The following ATXN1 variants were observed in gnomAD, a reference collection of about 807,000 sequenced individuals.
ATXN1 encodes the protein ataxin 1.
Under a neutral mutation model 56.4 loss-of-function variants are expected in ATXN1, and 8 were observed. The observed-to-expected ratio is 0.14, with a 90% CI of 0.08 to 0.26. The LOEUF (loss-of-function observed/expected upper bound fraction) is 0.26, where lower values mean the gene tolerates loss of function less well. Among genes scored for constraint, ATXN1 ranks in the 10% least tolerant of loss-of-function variants. ATXN1 has a pLI of 1.00. For synonymous variants in ATXN1, 514 were observed against 494.6 expected, an observed-to-expected ratio of 1.04 and a Z score of -0.52; for missense variants, 987 against 1,106.5, an observed-to-expected ratio of 0.89 and a Z score of 1.53.
chr6:16,680,337 C>T (rs1758788367), intron 2 of ATXN1, among the ~76,000 whole-genome samples: 1 of 152,154 alleles, frequency 6.6e-6, no homozygotes, highest in Admixed American at 6.5e-5. Context: ...CCCCTACCCC[C>T]CAAACATGTC....
rs536498194 is a variant in ATXN1 at position 16,621,565 on chromosome 6, A to G, written c.-488-35658T>C. ...GGAGAATGCCGTCTCTACTAAAAAT[A>G]CAAAAATTAGCTGGGTGTGGTGGTG... On this transcript the variant is annotated intron_variant, in intron 3 of 7. Transcript: ENST00000436367. Among the ~76,000 whole-genome samples, 20 of 152,288 alleles carry G rather than the reference A, an allele frequency of 1.3e-4. No homozygotes were observed. The East Asian group carries it at 3.9e-3, about 29-fold the overall frequency.
At chr6:16,509,718 G>A (rs1161084140) in intron 5 of ATXN1, among the ~76,000 whole-genome samples, 1 of 152,062 alleles carries the variant, frequency 6.6e-6, no homozygotes, top group Non-Finnish European at 1.5e-5. Context: ...TTTCTAAACT[G>A]CAGTTTCAAT....
chr6:16,366,802 G>GA (rs1398286485), intron 6 of ATXN1, among the ~76,000 whole-genome samples: 1 of 147,360 alleles, frequency 6.8e-6, no homozygotes, highest in Non-Finnish European at 1.5e-5. Context: ...AAAAGAAAAA[G>GA]AAAAAAACAG....
At chr6:16,596,937 CTCTT>C (rs1762825640) in intron 3 of ATXN1, among the ~76,000 whole-genome samples, 1 of 152,222 alleles carries the variant, frequency 6.6e-6, no homozygotes, top group Non-Finnish European at 1.5e-5. Context: ...CAGCGACTCT[CTCTT>C]TTACCTGCTG....
At chr6:16,380,677 G>T (rs540409535) in intron 6 of ATXN1, among the ~76,000 whole-genome samples, 3 of 151,986 alleles carry the variant, frequency 2.0e-5, no homozygotes, top group Non-Finnish European at 4.4e-5. Flanking sequence ...TAGCTCTTAG[G>T]GGAGTGTGAG....
At chr6:16,684,522 G>T (rs1387704832) in intron 2 of ATXN1, among the ~76,000 whole-genome samples, 1 of 152,028 alleles carries the variant, frequency 6.6e-6, no homozygotes, top group Admixed American at 6.6e-5. Flanking sequence ...AGGGTTTTCT[G>T]AAGCCACATT....
intron 6 of ATXN1, among the ~76,000 whole-genome samples, chr6:16,350,345 G>C (rs1330335275): frequency 2.6e-5 from 4 of 152,206 alleles, no homozygotes; most frequent in East Asian, 1.9e-4. Context: ...AAAAAATCCA[G>C]GTGTGTTCTT....
intron 3 of ATXN1, among the ~76,000 whole-genome samples, chr6:16,600,518 C>G: frequency 6.6e-6 from 1 of 152,166 alleles, no homozygotes. Flanking sequence ...ATGCTTTGAA[C>G]AGAATGCTTC....
intron 6 of ATXN1, among the ~76,000 whole-genome samples, chr6:16,353,045 G>A (rs933995096): frequency 1.3e-5 from 2 of 152,142 alleles, no homozygotes; most frequent in African/African-American, 4.8e-5. Context: ...GACGATTCAC[G>A]TCTGCGTTAG....
intron 6 of ATXN1, among the ~76,000 whole-genome samples, chr6:16,431,299 C>A (rs571838406): frequency 1.3e-5 from 2 of 152,232 alleles, no homozygotes; most frequent in African/African-American, 4.8e-5. Flanking sequence ...ATTGAGAGAA[C>A]ATTCTGCTGG....
intron 3 of ATXN1, among the ~76,000 whole-genome samples, chr6:16,609,849 A>G (rs1212268611): frequency 6.6e-6 from 1 of 152,196 alleles, no homozygotes; most frequent in Non-Finnish European, 1.5e-5. Context: ...ACCTTTGAAG[A>G]AGGAGGAGGA....
rs552167155 is a variant in ATXN1, at chr6:16,760,044, G to A, written c.-730+1254C>T. Among the ~76,000 whole-genome samples, 5 of 151,040 alleles carry A rather than the reference G, an allele frequency of 3.3e-5. No individual in the cohort carries two copies. Among genetic ancestry groups the A allele is most frequent in the African/African-American group, 1.2e-4 (5 of 41,124 alleles). ...CTCACTCACACTCACGCCGCGCTCC[G>A]ACACCGCCTCACCTCTCGCTCCGCC... On this transcript the variant is annotated intron_variant, in intron 1 of 7. Transcript: ENST00000436367. This position sits in a 1 kb window ranked among gnomAD's most constrained non-coding sequence, Gnocchi z 5.3.
chr6:16,653,736 G>A (rs890288060), intron 3 of ATXN1, among the ~76,000 whole-genome samples: 5 of 152,190 alleles, frequency 3.3e-5, no homozygotes, highest in Non-Finnish European at 5.9e-5. Flanking sequence ...GTATTTGGAA[G>A]AAAGTGGGTT....
At chr6:16,389,139 C>A (rs1758298067) in intron 6 of ATXN1, among the ~76,000 whole-genome samples, 1 of 152,062 alleles carries the variant, frequency 6.6e-6, no homozygotes, top group East Asian at 1.9e-4. Context: ...GTTCGAGAGA[C>A]CAGCCTGACC....
intron 3 of ATXN1, among the ~76,000 whole-genome samples, chr6:16,614,664 T>C (rs1404023969): frequency 6.6e-6 from 1 of 151,820 alleles, no homozygotes; most frequent in Non-Finnish European, 1.5e-5. Flanking sequence ...GGCTCATGCC[T>C]GTAACCCCAG....
intron 2 of ATXN1, among the ~76,000 whole-genome samples, chr6:16,747,245 T>C (rs1395720891): frequency 6.6e-6 from 1 of 152,220 alleles, no homozygotes; most frequent in Non-Finnish European, 1.5e-5. Context: ...GAGTGAAATA[T>C]TAACAGGCCA....
chr6:16,755,104 G>A (rs1156651465), intron 1 of ATXN1, among the ~76,000 whole-genome samples: 1 of 152,178 alleles, frequency 6.6e-6, no homozygotes, highest in African/African-American at 2.4e-5. Context: ...TGGCAGATAA[G>A]GTTTTATAGA....
At chr6:16,354,071 C>T (rs546310460) in intron 6 of ATXN1, among the ~76,000 whole-genome samples, 2 of 152,174 alleles carry the variant, frequency 1.3e-5, no homozygotes, top group Non-Finnish European at 2.9e-5. Flanking sequence ...GGTCACACCA[C>T]ACTCCAGGCC....
intron 2 of ATXN1, among the ~76,000 whole-genome samples, chr6:16,746,182 C>T (rs959536181): frequency 2.6e-5 from 4 of 152,160 alleles, no homozygotes; most frequent in African/African-American, 9.7e-5. Context: ...ATCTCCCTGA[C>T]TTTAAAGCCT....
Sources: allele counts gnomAD v4.1 joint callset (sites outside exome capture counted in the v4.1 genomes callset), GRCh38; gene constraint gnomAD v4.1.1; non-coding constraint Gnocchi (gnomAD v3.1); transcripts MANE v1.5; gene names NCBI Gene and HGNC (gene_info 2026-07-23, HGNC 2026-07-21).